Variants in SH3BP2 observed in about 807,000 individuals in gnomAD.
The protein encoded by SH3BP2 is SH3 domain-binding protein 2.
SH3BP2 carries 38 observed loss-of-function variants against 56.2 expected under a neutral mutation model. The observed-to-expected ratio is 0.68, with a 90% CI of 0.52 to 0.89. The LOEUF is 0.89. Ranked by LOEUF, SH3BP2 falls within the 40% of genes least tolerant of loss-of-function variation. SH3BP2 has a pLI of 0.00. For missense variants in SH3BP2, 748 were observed against 762.6 expected, an observed-to-expected ratio of 0.98 and a Z score of 0.23; for synonymous variants, 346 against 316.7, an observed-to-expected ratio of 1.09 and a Z score of -0.98.
rs939683471 is a variant in SH3BP2 at position 2,810,583 on chromosome 4, T to C, written c.-4-10031T>C. ...CTTCATGGGTTGTCATCCCTGAAGC[T>C]GTGCGTTGGCCACCTCATTGCCTGT... On this transcript the variant is annotated intron_variant, in intron 1 of 12. Coordinates refer to ENST00000503393, the MANE Select transcript of SH3BP2 (RefSeq NM_001122681.2). The surrounding 1 kb of genome is among the most constrained non-coding windows in gnomAD (Gnocchi z 4.2). Among the ~76,000 whole-genome samples the C allele has an allele frequency of 6.6e-6, 1 of 152,004 alleles. No homozygotes were observed. The highest frequency in any genetic ancestry group is 2.4e-5 in the African/African-American group (1 of 41,386).
At chr4:2,812,066 G>A (rs552401546) in intron 1 of SH3BP2, 10 of 840,398 alleles carry the variant, frequency 1.2e-5, no homozygotes, top group East Asian at 4.4e-5. Context: ...CTGACCTTGC[G>A]CTGGAGCCAG....
rs2108738935 is a variant in SH3BP2, at chr4:2,829,831, AC to A, written c.929del (p.Pro310LeufsTer51). ...ESASPSPEPWTPGHGACSTSS... is the reference protein window; with the variant it reads ...ESASPSPEPWXPGHGACSTSS... ...TGCCAGCCCCAGCCCGGAGCCCTGG[AC>A]CCCTGGCCACGGGGCCTGCTCCACT... On this transcript the variant is annotated frameshift_variant, in exon 8 of 13. Coordinates refer to ENST00000503393, the MANE Select transcript of SH3BP2 (RefSeq NM_001122681.2). LOFTEE classifies it high-confidence loss of function. The surrounding 1 kb of genome is among the most constrained non-coding windows in gnomAD (Gnocchi z 4.9). 6.2e-7 allele frequency: 1 copy of A among 1,613,174 alleles called. No individual in the cohort carries two copies. The highest frequency in any genetic ancestry group is 8.5e-7 in the Non-Finnish European group (1 of 1,179,874).
rs144603137 is a variant in SH3BP2 at position 2,840,724 on chromosome 4, G to A, written c.*6890G>A. 2 of 152,148 alleles carry A rather than the reference G, an allele frequency of 1.3e-5. No homozygotes were observed. Among genetic ancestry groups the A allele is most frequent in the African/African-American group, 4.8e-5 (2 of 41,434 alleles). 9.4% of individuals were successfully genotyped at this position (152,148 alleles called of 1,614,324 possible). A position where few individuals can be genotyped will look rare whatever the true frequency, so the allele number is the denominator to read the frequency against. ...TTCTCCCATATAAGTTTTAAAATCA[G>A]CTTGTCAATTCCAACAACAATGATG... On this transcript the variant is annotated 3_prime_UTR_variant, in exon 13 of 13. Transcript: ENST00000503393.
rs886059377 is a variant in SH3BP2, at chr4:2,837,501, G to A, written c.*3667G>A. ...GGGGAGAGGGGGACCTGGGACCTGC[G>A]GCTTAGTTCCCTGAGGCAGGCAGGG... On this transcript the variant is annotated 3_prime_UTR_variant, in exon 13 of 13. Coordinates refer to ENST00000503393, the MANE Select transcript of SH3BP2 (RefSeq NM_001122681.2). 6.6e-6 allele frequency: 1 copy of A among 152,300 alleles called. No homozygotes were observed. Among genetic ancestry groups the A allele is most frequent in the Admixed American group, 6.5e-5 (1 of 15,278 alleles). 9.4% of individuals were successfully genotyped at this position (152,300 alleles called of 1,614,324 possible).
intron 1 of SH3BP2, chr4:2,818,174 C>T: frequency 2.0e-6 from 2 of 981,924 alleles, no homozygotes; most frequent in Non-Finnish European, 1.2e-6. Context: ...CCGCCCAGTC[C>T]CCCGCCGAGA....
rs1262043624 is a variant in SH3BP2, at chr4:2,823,018, T to C, written c.220T>C (p.Ser74Pro). 1 of 1,613,688 alleles carries C rather than the reference T, an allele frequency of 6.2e-7. No individual in the cohort carries two copies. Among genetic ancestry groups the C allele is most frequent in the Non-Finnish European group, 8.5e-7 (1 of 1,179,676 alleles). ...CTCTGCCTCCCCGCAGGGCGCCTTC[T>C]CCCTGAGTGGCTATAACCGGTAAGT... Reference protein sequence around the residue: ...STSASPQGAFSLSGYNRVMRA... With the variant: ...STSASPQGAFPLSGYNRVMRA... The change falls in exon 3 of 13, where the codon TCC becomes CCC. Residue 74 changes from serine to proline, a missense_variant. This residue lies in a region of SH3BP2 where 104 missense variants were observed against 123.1 expected (regional missense o/e 0.84). Coordinates refer to ENST00000503393, the MANE Select transcript of SH3BP2 (RefSeq NM_001122681.2).
intron 3 of SH3BP2, 135 bp from the exon 4 acceptor site, chr4:2,824,478 G>GC (rs1384252995): frequency 3.2e-6 from 2 of 628,452 alleles, no homozygotes; most frequent in East Asian, 5.4e-5. Flanking sequence ...AGCATCAGCA[G>GC]CCAGGGCCCA....
chr4:2,824,585 G>C (rs922169703), intron 3 of SH3BP2, 28 bp from the exon 4 acceptor site: 2 of 1,565,570 alleles, frequency 1.3e-6, no homozygotes, highest in African/African-American at 1.3e-5. Context: ...TGTGAACCAG[G>C]CCGTGACCCC....
At chr4:2,798,442 G>C (rs373696741) in intron 1 of SH3BP2, 3 of 152,274 alleles carry the variant, frequency 2.0e-5, no homozygotes, top group African/African-American at 4.8e-5. Context: ...AGTGGCAGGT[G>C]GGGGTACACA....
In SH3BP2 at chr4:2,837,288, C is replaced by G. The variant is rs891487860; in HGVS notation, c.*3454C>G. ...AACTGATCCGCCCACCTTGGCCTCC[C>G]AAGTGCTGGGATTACAGGCGCGAGC... On this transcript the variant is annotated 3_prime_UTR_variant, in exon 13 of 13. Coordinates refer to ENST00000503393, the MANE Select transcript of SH3BP2 (RefSeq NM_001122681.2). The G allele has an allele frequency of 3.9e-5, 6 of 152,244 alleles. No individual in the cohort carries two copies. The highest frequency in any genetic ancestry group is 1.9e-4 in the East Asian group (1 of 5,190). The allele number at this position is 152,244 out of a possible 1,614,324, so 9.4% of individuals were successfully genotyped here. A position where few individuals can be genotyped will look rare whatever the true frequency, so the allele number is the denominator to read the frequency against.
At chr4:2,804,178 G>A (rs554703571) in intron 1 of SH3BP2, among the ~76,000 whole-genome samples, 52 of 152,258 alleles carry the variant, frequency 3.4e-4, no homozygotes, top group Middle Eastern at 3.4e-3. Context: ...CTCTCTGGGG[G>A]TCTCCTTCTG....
chr4:2,800,069 A>G (rs1283574291), intron 1 of SH3BP2, among the ~76,000 whole-genome samples: 7 of 152,116 alleles, frequency 4.6e-5, no homozygotes, highest in Non-Finnish European at 1.0e-4. Context: ...TGCCACAGAC[A>G]GAAGTGGGTT....
In SH3BP2 at chr4:2,829,771, C is replaced by T. The variant is rs1292259717; in HGVS notation, c.865C>T (p.Pro289Ser). 1 of 1,613,170 alleles carries T rather than the reference C, an allele frequency of 6.2e-7. No individual in the cohort carries two copies. Among genetic ancestry groups the T allele is most frequent in the African/African-American group, 1.3e-5 (1 of 75,036 alleles). The stretch of plus-strand genomic sequence containing the variant: ...CCCTCTGAGCACCATGCCCACCGCA[C>T]CCGGCCTCCGGAAACCCCCTTGCTT... ...DPPLSTMPTA[P>S]GLRKPPCFRE... is the part of the protein sequence containing the mutation. The change falls in exon 8 of 13, where the codon CCC (proline) becomes TCC (serine). Residue 289 changes from proline (P) to serine (S), a missense_variant. Transcript: ENST00000503393. This position sits in a 1 kb window ranked among gnomAD's most constrained non-coding sequence, Gnocchi z 4.9.
In SH3BP2 at chr4:2,829,932, A is replaced by T; in HGVS notation, c.1026A>T (p.Arg342=). 6.2e-7 allele frequency: 1 copy of T among 1,613,264 alleles called. No individual in the cohort carries two copies. Residue 342 remains arginine (R), a synonymous_variant, in exon 8 of 13, where the codon CGA becomes CGT. Coordinates refer to ENST00000503393, the MANE Select transcript of SH3BP2 (RefSeq NM_001122681.2). The surrounding 1 kb of genome is among the most constrained non-coding windows in gnomAD (Gnocchi z 4.9). ...DKLKSFHLSP[R]GPPTSEPPPV... is the part of the protein sequence containing the mutation. ...TCAAGTCCTTCCACCTGTCCCCCCG[A>T]GGACCACCCACATCTGAGCCCCCAC...
intron 1 of SH3BP2, among the ~76,000 whole-genome samples, chr4:2,805,929 C>A (rs560493261): frequency 6.6e-6 from 1 of 152,134 alleles, no homozygotes; most frequent in Non-Finnish European, 1.5e-5. Flanking sequence ...TGCCAAGGGC[C>A]GCGGGGAGAC....
chr4:2,822,151 C>T lies in SH3BP2; in HGVS notation c.137-784C>T, dbSNP rs577740625. 6.0e-4 allele frequency among the ~76,000 whole-genome samples: 91 copies of T among 152,182 alleles called. 1 individual carries two copies. Among genetic ancestry groups the T allele is most frequent in the Non-Finnish European group, 1.0e-3 (69 of 68,036 alleles). On this transcript the variant is annotated intron_variant, in intron 2 of 12. Coordinates refer to ENST00000503393, the MANE Select transcript of SH3BP2 (RefSeq NM_001122681.2). ...AAGTTCTGGGATTACAGGCATGAGC[C>T]ACCGCGCCTGGCCTATTTATTATTT...
At chr4:2,794,494 G>T (rs1489841698) in intron 1 of SH3BP2, among the ~76,000 whole-genome samples, 2 of 152,210 alleles carry the variant, frequency 1.3e-5, no homozygotes, top group East Asian at 3.8e-4. Flanking sequence ...GGGCTGCAAG[G>T]GAGTGAGGAT....
rs1724981332 is a variant in SH3BP2 at position 2,831,496 on chromosome 4, G to C, written c.1242-75G>C. The stretch of plus-strand genomic sequence containing the variant: ...GCCGTCCTCACACAGAGGGTGGAGT[G>C]GGGAGGGGAGCAGAGGGTGGCCGCC... On this transcript the variant is annotated intron_variant, in intron 8 of 12. Transcript: ENST00000503393. The surrounding 1 kb of genome is among the most constrained non-coding windows in gnomAD (Gnocchi z 4.1). 5 of 1,084,260 alleles carry C rather than the reference G, an allele frequency of 4.6e-6. No individual in the cohort carries two copies. The highest frequency in any genetic ancestry group is 2.0e-4 in the Middle Eastern group (1 of 4,932). 67.2% of individuals were successfully genotyped at this position (1,084,260 alleles called of 1,614,324 possible). A position where few individuals can be genotyped will look rare whatever the true frequency, so the allele number is the denominator to read the frequency against.
intron 1 of SH3BP2, among the ~76,000 whole-genome samples, chr4:2,801,824 T>C (rs1353831829): frequency 6.6e-6 from 1 of 152,244 alleles, no homozygotes; most frequent in Non-Finnish European, 1.5e-5. Flanking sequence ...TTTAAAAATA[T>C]TAGCCAGGCG....
Sources: allele counts gnomAD v4.1 joint callset (sites outside exome capture counted in the v4.1 genomes callset), GRCh38; gene constraint gnomAD v4.1.1; regional missense constraint gnomAD v4.1.1; non-coding constraint Gnocchi (gnomAD v3.1); transcripts MANE v1.5; gene names NCBI Gene and HGNC (gene_info 2026-07-23, HGNC 2026-07-21).